Variants in GPD2 observed in about 807,000 individuals in gnomAD.
GPD2 encodes glycerol-3-phosphate dehydrogenase, mitochondrial.
In GPD2, 54 loss-of-function variants were observed where a neutral mutation model predicts 82.4. The observed-to-expected ratio is 0.66, with a 90% CI of 0.53 to 0.82. GPD2 has a LOEUF of 0.82. Among genes scored for constraint, GPD2 ranks in the 40% least tolerant of loss-of-function variants. The pLI is 0.00. For missense variants in GPD2, 748 were observed against 896.2 expected (o/e 0.83, Z 2.11); for synonymous variants, 288 against 306.1 (o/e 0.94, Z 0.62).
At chr2:156,502,561 G>A (rs1558931163) in intron 3 of GPD2, among the ~76,000 whole-genome samples, 2 of 152,076 alleles carry the variant, frequency 1.3e-5, no homozygotes, top group Non-Finnish European at 2.9e-5. Context: ...TGAGTAGCTG[G>A]ATCTAAAAGT....
At chr2:156,473,233 A>G (rs1683392157) in intron 1 of GPD2, among the ~76,000 whole-genome samples, 1 of 152,174 alleles carries the variant, frequency 6.6e-6, no homozygotes, top group Admixed American at 6.5e-5. Flanking sequence ...ATTATAGTTG[A>G]TATTATTGCT....
chr2:156,523,082 A>G (rs1685471228), intron 6 of GPD2, among the ~76,000 whole-genome samples: 1 of 152,188 alleles, frequency 6.6e-6, no homozygotes, highest in Non-Finnish European at 1.5e-5. Context: ...CAATGAACCT[A>G]CATGGACACA....
At chr2:156,484,856 C>A (rs1214550233) in intron 2 of GPD2, among the ~76,000 whole-genome samples, 1 of 152,016 alleles carries the variant, frequency 6.6e-6, no homozygotes, top group Non-Finnish European at 1.5e-5. Flanking sequence ...AACAAATAAA[C>A]AAACAAAAAC....
intron 1 of GPD2, among the ~76,000 whole-genome samples, chr2:156,451,767 G>A (rs540241351): frequency 2.6e-5 from 4 of 151,586 alleles, no homozygotes; most frequent in African/African-American, 9.7e-5. Flanking sequence ...CTCCCTCCCA[G>A]ACAGGGTGGC....
intron 6 of GPD2, among the ~76,000 whole-genome samples, chr2:156,538,066 T>A (rs1040569542): frequency 2.0e-5 from 3 of 152,238 alleles, no homozygotes; most frequent in African/African-American, 4.8e-5. Context: ...CTATATTGTG[T>A]ATAAACTTTC....
At chr2:156,401,752 C>T in the GPD2 span, among the ~76,000 whole-genome samples, 1 of 152,184 alleles carries the variant, frequency 6.6e-6, no homozygotes, top group Non-Finnish European at 1.5e-5. Flanking sequence ...TAAGCTGCCC[C>T]TTCCTTCATT....
chr2:156,429,831 C>T, the GPD2 span, among the ~76,000 whole-genome samples: 1 of 152,008 alleles, frequency 6.6e-6, no homozygotes, highest in Non-Finnish European at 1.5e-5. Flanking sequence ...TGGAGATCTA[C>T]CAAATGAGCT....
At chr2:156,439,901 C>T (rs507701) in intron 1 of GPD2, among the ~76,000 whole-genome samples, 4 of 145,854 alleles carry the variant, frequency 2.7e-5, no homozygotes, top group African/African-American at 9.8e-5. Context: ...GCCAGTTATT[C>T]TATTCAGTTT....
intron 9 of GPD2, among the ~76,000 whole-genome samples, chr2:156,567,670 C>G (rs980226208): frequency 6.6e-6 from 1 of 152,222 alleles, no homozygotes; most frequent in South Asian, 2.1e-4. Context: ...CAGTCTGGTG[C>G]CCATAGTCAG....
chr2:156,405,921 G>C, the GPD2 span, among the ~76,000 whole-genome samples: 1 of 152,168 alleles, frequency 6.6e-6, no homozygotes, highest in Non-Finnish European at 1.5e-5. Context: ...CTTGCTCAAG[G>C]TACCAAGTTC....
chr2:156,468,484 C>T (rs1472909284), intron 1 of GPD2, among the ~76,000 whole-genome samples: 1 of 152,162 alleles, frequency 6.6e-6, no homozygotes, highest in African/African-American at 2.4e-5. Flanking sequence ...TGCACAGCTA[C>T]AGGAGCAGGT....
At chr2:156,443,455 AGT>A (rs1195280772) in intron 1 of GPD2, among the ~76,000 whole-genome samples, 6 of 152,200 alleles carry the variant, frequency 3.9e-5, no homozygotes, top group African/African-American at 1.4e-4. Flanking sequence ...AAGTGATAAG[AGT>A]GTGCTGGGTG....
Position 156,461,912 on chromosome 2 carries a change from C to T in GPD2, c.-8-14186C>T, listed in dbSNP as rs1271130759. ...AATGCTCCTCCTCCTGTCTTCTTCA[C>T]TTGGGTAGGTCCTTCACGGATACTT... is the stretch of plus-strand genomic sequence containing the variant. On this transcript the variant is annotated intron_variant, in intron 1 of 16. Coordinates refer to ENST00000438166, the MANE Select transcript of GPD2 (RefSeq NM_000408.5). 5.3e-5 allele frequency among the ~76,000 whole-genome samples: 8 copies of T among 152,198 alleles called. No individual in the cohort carries two copies. In the East Asian group the frequency reaches 1.5e-3, roughly 29 times the overall value.
intron 13 of GPD2, among the ~76,000 whole-genome samples, chr2:156,572,723 G>A (rs1281733291): frequency 6.6e-6 from 1 of 152,154 alleles, no homozygotes; most frequent in Non-Finnish European, 1.5e-5. Flanking sequence ...AAGAATCCAG[G>A]AAAAAGAGAA....
At chr2:156,507,931 C>G (rs1476288151) in intron 3 of GPD2, among the ~76,000 whole-genome samples, 1 of 152,130 alleles carries the variant, frequency 6.6e-6, no homozygotes, top group Non-Finnish European at 1.5e-5. Flanking sequence ...CCTTTCTTCA[C>G]TCCACCTGCC....
chr2:156,415,805 A>G, the GPD2 span, among the ~76,000 whole-genome samples: 12 of 152,082 alleles, frequency 7.9e-5, no homozygotes, highest in Non-Finnish European at 1.8e-4. Context: ...CGGTGAGCCA[A>G]GATTGTGCCA....
At chr2:156,488,043 A>G (rs1317819761) in intron 2 of GPD2, among the ~76,000 whole-genome samples, 2 of 152,184 alleles carry the variant, frequency 1.3e-5, no homozygotes, top group Admixed American at 6.5e-5. Context: ...TTCAAGGGGA[A>G]CTAGACCTTC....
At chr2:156,515,612 A>G (rs1310719886) in intron 6 of GPD2, among the ~76,000 whole-genome samples, 1 of 152,200 alleles carries the variant, frequency 6.6e-6, no homozygotes, top group Non-Finnish European at 1.5e-5. Flanking sequence ...TTAATCTAGA[A>G]TTGATCTTTA....
chr2:156,556,946 A>G (rs920252551), intron 8 of GPD2, among the ~76,000 whole-genome samples: 21 of 152,352 alleles, frequency 1.4e-4, no homozygotes, highest in African/African-American at 4.8e-4. Context: ...CTGAGCGATG[A>G]AATGTCAAAT....
Sources: allele counts gnomAD v4.1 joint callset (sites outside exome capture counted in the v4.1 genomes callset), GRCh38; gene constraint gnomAD v4.1.1; transcripts MANE v1.5; gene names NCBI Gene and HGNC (gene_info 2026-07-23, HGNC 2026-07-21).